ABHD16A: variants seen among roughly 807,000 people sequenced by gnomAD.
ABHD16A encodes the protein abhydrolase domain containing 16A, phospholipase, also known as phosphatidylserine lipase ABHD16A.
ABHD16A carries 47 observed loss-of-function variants against 89.8 expected under a neutral mutation model. The ratio of observed to expected loss-of-function variants is 0.52; its 90% confidence interval spans 0.41 to 0.67. The LOEUF is 0.67. Ranked by LOEUF, ABHD16A falls within the 30% of genes least tolerant of loss-of-function variation. The probability of loss-of-function intolerance (pLI) is 0.00; values close to 1 mark genes in which losing one functional copy is unlikely to be tolerated. For missense variants in ABHD16A, 580 were observed against 734.6 expected, an observed-to-expected ratio of 0.79 and a Z score of 2.43; for synonymous variants, 251 against 280.4, an observed-to-expected ratio of 0.90 and a Z score of 1.05.
chr6:31,698,878 C>T lies in ABHD16A; in HGVS notation c.344-1845G>A. Among the ~76,000 whole-genome samples the T allele has an allele frequency of 6.6e-6, 1 of 152,134 alleles. No individual in the cohort carries two copies. The highest frequency in any genetic ancestry group is 1.9e-4 in the East Asian group (1 of 5,196). ...ACCCCCATGTTGAAGCATCGCCCATCACCTGGTTGTCATCTTATGTACCCA... is the reference window on the plus strand; with the variant it reads ...ACCCCCATGTTGAAGCATCGCCCATTACCTGGTTGTCATCTTATGTACCCA... On this transcript the variant is annotated intron_variant, in intron 4 of 19. Coordinates refer to ENST00000395952, the MANE Select transcript of ABHD16A (RefSeq NM_021160.3). The surrounding 1 kb of genome is among the most constrained non-coding windows in gnomAD (Gnocchi z 4.1).
At position 31,696,952 on chromosome 6, in the gene ABHD16A, T is replaced by C. The variant is rs1054994670; in HGVS notation, c.425A>G (p.Asn142Ser). The change falls in exon 5 of 20, where the codon AAC becomes AGC. Residue 142 changes from asparagine to serine, a missense_variant. Physicochemically the swap from Asn to Ser is conservative, Grantham distance 46. This residue lies in a region of ABHD16A where 415 missense variants were observed against 568.8 expected (regional missense o/e 0.73). Transcript: ENST00000395952. ...EATHRNQSSE[N>S]KRQLANYNFD... Reference sequence around the variant, plus strand: ...ACTTTTCCTAGGGCCTCTCACCTTGTTTTCTGAAGACTGGTTCCGATGTGT... The same window carrying C: ...ACTTTTCCTAGGGCCTCTCACCTTGCTTTCTGAAGACTGGTTCCGATGTGT... 1 of 1,612,932 alleles carries C rather than the reference T, an allele frequency of 6.2e-7. No individual in the cohort carries two copies. Among genetic ancestry groups the C allele is most frequent in the African/African-American group, 1.3e-5 (1 of 75,056 alleles).
chr6:31,695,081 G>A (rs993755742), intron 5 of ABHD16A, among the ~76,000 whole-genome samples: 2 of 152,166 alleles, frequency 1.3e-5, no homozygotes, highest in Non-Finnish European at 2.9e-5. Context: ...CATAGTACAG[G>A]GCATCATTAC....
chr6:31,694,408 T>TTTTTTTGG (rs9279388), intron 5 of ABHD16A, among the ~76,000 whole-genome samples: 1 of 120,218 alleles, frequency 8.3e-6, no homozygotes, highest in Admixed American at 8.8e-5. Context: ...TTTTTTTTTT[T>TTTTTTTGG]GAGATGGAGT....
chr6:31,688,319 A>G lies in ABHD16A; in HGVS notation c.1251-14T>C. 1 of 1,613,590 alleles carries G rather than the reference A, an allele frequency of 6.2e-7. No homozygotes were observed. The highest frequency in any genetic ancestry group is 1.3e-5 in the African/African-American group (1 of 75,010). On this transcript the variant is annotated splice_polypyrimidine_tract_variant and intron_variant, in intron 14 of 19. Transcript: ENST00000395952. This position sits in a 1 kb window ranked among gnomAD's most constrained non-coding sequence, Gnocchi z 4.9. ...GGACCCTGGTATCTTCAGAGAACAG[A>G]GCAGTGGGAAGGGAGAGCTCAGAGG...
Position 31,687,284 on chromosome 6 carries a change from A to T in ABHD16A, c.1605T>A (p.His535Gln). Residue 535 changes from histidine to glutamine, a missense_variant, in exon 20 of 20, where the codon CAT (histidine) becomes CAA (glutamine). His to Gln is a conservative substitution (Grantham distance 24, BLOSUM62 0). Around this residue, in one of 2 missense-constraint regions of ABHD16A, gnomAD observed 415 missense variants for 568.8 expected, o/e 0.73. Transcript: ENST00000395952. This position sits in a 1 kb window ranked among gnomAD's most constrained non-coding sequence, Gnocchi z 6.3. ...RQLALFLARK[H>Q]LHNFEATHCT... ...AGTGAGTGGCCTCAAAGTTGTGCAG[A>T]TGCTTCCGAGCCTGAGGAAAGGAGG... is the stretch of plus-strand genomic sequence containing the variant. 1 of 1,612,882 alleles carries T rather than the reference A, an allele frequency of 6.2e-7. No individual in the cohort carries two copies. The highest frequency in any genetic ancestry group is 8.5e-7 in the Non-Finnish European group (1 of 1,179,968).
Position 31,688,584 on chromosome 6 carries a change from AGGT to A in ABHD16A, c.1250+136_1250+138del. The A allele has an allele frequency of 2.9e-6, 3 of 1,036,942 alleles. No homozygotes were observed. Among genetic ancestry groups the A allele is most frequent in the Non-Finnish European group, 4.3e-6 (3 of 705,522 alleles). The allele number at this position is 1,036,942 out of a possible 1,614,324, so 64.2% of individuals were successfully genotyped here. A position where few individuals can be genotyped will look rare whatever the true frequency, so the allele number is the denominator to read the frequency against. On this transcript the variant is annotated intron_variant, in intron 14 of 19. Coordinates refer to ENST00000395952, the MANE Select transcript of ABHD16A (RefSeq NM_021160.3). This position sits in a 1 kb window ranked among gnomAD's most constrained non-coding sequence, Gnocchi z 4.9. ...GACCTGGGAGGGGTTAGGCCAGTTGAGGTGGTGGCAGGGTCACTCAGGATGTGA... is the reference window on the plus strand; with the variant it reads ...GACCTGGGAGGGGTTAGGCCAGTTGAGGTGGCAGGGTCACTCAGGATGTGA...
At chr6:31,702,750 A>G in intron 1 of ABHD16A, 1 of 1,525,944 alleles carries the variant, frequency 6.6e-7, no homozygotes. Context: ...GAAGATAAAA[A>G]CAGAGCCGGG....
At chr6:31,702,609 T>A in intron 1 of ABHD16A, 1 of 1,479,152 alleles carries the variant, frequency 6.8e-7, no homozygotes, top group South Asian at 1.4e-5. Context: ...TAGAACAGCC[T>A]ACCACCACCC....
Position 31,693,058 on chromosome 6 carries a change from G to A in ABHD16A, c.595C>T (p.Arg199Trp), listed in dbSNP as rs769320532. 8.1e-6 allele frequency: 13 copies of A among 1,614,182 alleles called. No individual in the cohort carries two copies. The highest frequency in any genetic ancestry group is 1.1e-5 in the South Asian group (1 of 91,086). ...HRGTADTLLN[R>W]VKKLPCQITS... is the part of the protein sequence containing the mutation. ...ATCTGACAAGGCAGCTTCTTAACCC[G>A]GTTGAGGAGGGTGTCTGCTGTCCCC... The change falls in exon 7 of 20, where the codon CGG becomes TGG. Residue 199 changes from arginine to tryptophan, a missense_variant. Coordinates refer to ENST00000395952, the MANE Select transcript of ABHD16A (RefSeq NM_021160.3). This position sits in a 1 kb window ranked among gnomAD's most constrained non-coding sequence, Gnocchi z 5.0.
rs1442708694 is a variant in ABHD16A, at chr6:31,688,908, C to A, written c.1186+107G>T. 2.6e-5 allele frequency: 37 copies of A among 1,416,988 alleles called. No individual in the cohort carries two copies. The highest frequency in any genetic ancestry group is 4.3e-5 in the African/African-American group (3 of 69,760). The allele number at this position is 1,416,988 out of a possible 1,614,324, so 87.8% of individuals were successfully genotyped here. A position where few individuals can be genotyped will look rare whatever the true frequency, so the allele number is the denominator to read the frequency against. On this transcript the variant is annotated intron_variant, in intron 13 of 19. Coordinates refer to ENST00000395952, the MANE Select transcript of ABHD16A (RefSeq NM_021160.3). This position sits in a 1 kb window ranked among gnomAD's most constrained non-coding sequence, Gnocchi z 4.9. Reference sequence around the variant, plus strand: ...GACAAAGGAGTCCTCCTGCTTCCAACAATGGGGCGACTTACTCCCCACCCA... The same window carrying A: ...GACAAAGGAGTCCTCCTGCTTCCAAAAATGGGGCGACTTACTCCCCACCCA...
chr6:31,701,851 C>T lies in ABHD16A; in HGVS notation c.189+223G>A, dbSNP rs57218835. Among the ~76,000 whole-genome samples the T allele has an allele frequency of 4.3e-3, 649 of 152,260 alleles. 2 individuals carry two copies. Among genetic ancestry groups the T allele is most frequent in the African/African-American group, 0.015 (606 of 41,552 alleles). On this transcript the variant is annotated intron_variant, in intron 2 of 19. Transcript: ENST00000395952. ...CCCAAGAGTAAACATGTTTTCCTTA[C>T]GGCTCAGGTTGCCCCCAGAGAAAGC...
intron 5 of ABHD16A, among the ~76,000 whole-genome samples, chr6:31,694,356 C>CCA (rs1804187043): frequency 7.0e-6 from 1 of 143,318 alleles, no homozygotes; most frequent in Non-Finnish European, 1.5e-5. Flanking sequence ...CTCACCAGCT[C>CCA]CACGTTTTTT....
Position 31,703,172 on chromosome 6 carries a change from G to C in ABHD16A, c.110C>G (p.Thr37Ser). ...ASVPETPTAVTAPHSSSWDTY... is the reference protein window; with the variant it reads ...ASVPETPTAVSAPHSSSWDTY... ...CACCCAGGAGCTGGAATGGGGGGCA[G>C]TGACTGCCGTTGGCGTCTCAGGGAC... Residue 37 changes from threonine to serine, a missense_variant, in exon 1 of 20, where the codon ACT becomes AGT. Thr to Ser is a moderately conservative substitution (Grantham distance 58, BLOSUM62 1). Around this residue, in one of 2 missense-constraint regions of ABHD16A, gnomAD observed 165 missense variants for 165.8 expected, o/e 1.00. Coordinates refer to ENST00000395952, the MANE Select transcript of ABHD16A (RefSeq NM_021160.3). 2.8e-6 allele frequency: 4 copies of C among 1,437,054 alleles called. No homozygotes were observed. Among genetic ancestry groups the C allele is most frequent in the Non-Finnish European group, 3.7e-6 (4 of 1,088,550 alleles). The allele number at this position is 1,437,054 out of a possible 1,614,324, so 89.0% of individuals were successfully genotyped here. A position where few individuals can be genotyped will look rare whatever the true frequency, so the allele number is the denominator to read the frequency against.
chr6:31,694,707 C>G (rs1026446938), intron 5 of ABHD16A, among the ~76,000 whole-genome samples: 1 of 151,920 alleles, frequency 6.6e-6, no homozygotes, highest in South Asian at 2.1e-4. Flanking sequence ...TGTCTTAATA[C>G]TTGACTATAT....
Position 31,690,113 on chromosome 6 carries a change from G to C in ABHD16A, c.922C>G (p.Leu308Val). 6.3e-7 allele frequency: 1 copy of C among 1,598,990 alleles called. No homozygotes were observed. The highest frequency in any genetic ancestry group is 8.5e-7 in the Non-Finnish European group (1 of 1,173,116). Residue 308 changes from leucine to valine, a missense_variant, in exon 11 of 20, where the codon CTG (leucine) becomes GTG (valine). This residue lies in a region of ABHD16A where 415 missense variants were observed against 568.8 expected (regional missense o/e 0.73). Coordinates refer to ENST00000395952, the MANE Select transcript of ABHD16A (RefSeq NM_021160.3). This position sits in a 1 kb window ranked among gnomAD's most constrained non-coding sequence, Gnocchi z 4.1. ...STPLEAGYSV[L>V]GWNHPGFAGS... ...GCAAAGCCTGGATGATTCCAGCCCA[G>C]GACTGAATATCCAGCTGTAACACAG...
intron 5 of ABHD16A, among the ~76,000 whole-genome samples, chr6:31,696,462 G>A (rs1373503505): frequency 4.0e-5 from 6 of 151,666 alleles, no homozygotes; most frequent in Non-Finnish European, 7.4e-5. Context: ...GTGAAACCCC[G>A]TCTCTACAAA....
Position 31,700,949 on chromosome 6 carries a change from G to A in ABHD16A, c.336C>T (p.Cys112=). The A allele has an allele frequency of 6.2e-7, 1 of 1,613,664 alleles. No individual in the cohort carries two copies. The change falls in exon 4 of 20, where the codon TGC becomes TGT. Residue 112 remains cysteine (C), a synonymous_variant. Coordinates refer to ENST00000395952, the MANE Select transcript of ABHD16A (RefSeq NM_021160.3). ...GGTTTCCTCTCCACCTACCTCGGAG[G>A]CAGGCCACACCTGCCAGAAGTAGCA... ...TLLLLLAGVA[C]LRGIGRWTNP... is the part of the protein sequence containing the mutation.
Position 31,689,046 on chromosome 6 carries a change from G to A in ABHD16A, c.1155C>T (p.Pro385=). ...TGTCTGGCATGACCTTCAAGGCCAAGGGCACCAGGTCATCAAAGGAGGCAT... is the reference window on the plus strand; with the variant it reads ...TGTCTGGCATGACCTTCAAGGCCAAAGGCACCAGGTCATCAAAGGAGGCAT... ...ILDASFDDLV[P]LALKVMPDSW... The change falls in exon 13 of 20, where the codon CCC becomes CCT. Residue 385 remains proline, a synonymous_variant. Transcript: ENST00000395952. 6.2e-7 allele frequency: 1 copy of A among 1,614,020 alleles called. No individual in the cohort carries two copies. The highest frequency in any genetic ancestry group is 8.5e-7 in the Non-Finnish European group (1 of 1,179,950).
chr6:31,692,033 C>T, intron 7 of ABHD16A, 115 bp from the exon 8 acceptor site: 1 of 768,168 alleles, frequency 1.3e-6, no homozygotes, highest in Non-Finnish European at 2.0e-6. Flanking sequence ...CCCTGACCTT[C>T]ACAGCTTTAC....
Sources: allele counts gnomAD v4.1 joint callset (sites outside exome capture counted in the v4.1 genomes callset), GRCh38; gene constraint gnomAD v4.1.1; regional missense constraint gnomAD v4.1.1; non-coding constraint Gnocchi (gnomAD v3.1); transcripts MANE v1.5; gene names NCBI Gene and HGNC (gene_info 2026-07-23, HGNC 2026-07-21).